The following PTCHD4 variants were observed in gnomAD, a reference collection of about 807,000 sequenced individuals.
PTCHD4 encodes the protein patched domain-containing protein 4.
Under a neutral mutation model 58.1 loss-of-function variants are expected in PTCHD4, and 33 were observed. The ratio of observed to expected loss-of-function variants is 0.57; its 90% CI spans 0.43 to 0.76. The LOEUF (loss-of-function observed/expected upper bound fraction) is 0.76, where lower values mean the gene tolerates loss of function less well. Ranked by LOEUF, PTCHD4 falls within the 30% of genes least tolerant of loss-of-function variation. The probability of loss-of-function intolerance (pLI) is 0.00; values close to 1 mark genes in which losing one functional copy is unlikely to be tolerated. For synonymous variants in PTCHD4, 478 were observed against 409.6 expected, an observed-to-expected ratio of 1.17 and a Z score of -2.02; for missense variants, 1,058 against 1,027.1, an observed-to-expected ratio of 1.03 and a Z score of -0.41.
At chr6:48,091,753 C>G (rs1582130408) in intron 1 of PTCHD4, among the ~76,000 whole-genome samples, 1 of 151,748 alleles carries the variant, frequency 6.6e-6, no homozygotes, top group Non-Finnish European at 1.5e-5. Flanking sequence ...TCAAGTGAGT[C>G]TCCTGCCTTA....
At chr6:47,896,919 GA>G (rs1391152845) in intron 4 of PTCHD4, among the ~76,000 whole-genome samples, 1 of 152,138 alleles carries the variant, frequency 6.6e-6, no homozygotes, top group Non-Finnish European at 1.5e-5. Context: ...TAAGGAGACT[GA>G]TCTCCTTGAG....
At chr6:47,998,707 C>T (rs1163915264) in intron 4 of PTCHD4, among the ~76,000 whole-genome samples, 1 of 152,122 alleles carries the variant, frequency 6.6e-6, no homozygotes, top group Non-Finnish European at 1.5e-5. Context: ...ATAAAATTCA[C>T]CTCTTACTTC....
At chr6:47,954,482 G>A (rs1766776455) in intron 4 of PTCHD4, among the ~76,000 whole-genome samples, 1 of 152,144 alleles carries the variant, frequency 6.6e-6, no homozygotes, top group African/African-American at 2.4e-5. Flanking sequence ...CTCTTGCTAA[G>A]GTTTTGAAAT....
chr6:47,999,185 A>G (rs1424978845), intron 4 of PTCHD4, among the ~76,000 whole-genome samples: 2 of 152,158 alleles, frequency 1.3e-5, no homozygotes, highest in Non-Finnish European at 2.9e-5. Context: ...TCCTCATCCA[A>G]TGAGAGAGTA....
At chr6:47,916,760 A>G (rs1329696760) in intron 4 of PTCHD4, among the ~76,000 whole-genome samples, 1 of 152,154 alleles carries the variant, frequency 6.6e-6, no homozygotes, top group African/African-American at 2.4e-5. Context: ...GGGCCACAAA[A>G]TTGAAGATTT....
intron 4 of PTCHD4, among the ~76,000 whole-genome samples, chr6:47,928,043 G>A (rs1182793280): frequency 6.6e-6 from 1 of 152,092 alleles, no homozygotes; most frequent in African/African-American, 2.4e-5. Context: ...AATACATGGT[G>A]ACAGTTTTCT....
At chr6:47,931,531 A>G (rs1360459795) in intron 4 of PTCHD4, among the ~76,000 whole-genome samples, 2 of 152,206 alleles carry the variant, frequency 1.3e-5, no homozygotes, top group African/African-American at 2.4e-5. Context: ...TTTCAGATGG[A>G]GAAAAACAGG....
intron 3 of PTCHD4, among the ~76,000 whole-genome samples, chr6:48,049,377 C>T (rs2114166980): frequency 6.6e-6 from 1 of 152,038 alleles, no homozygotes; most frequent in East Asian, 1.9e-4. Context: ...GAGGGTCCTA[C>T]ATTGGGCTGT....
At chr6:48,098,585 C>A (rs2113909794) in intron 1 of PTCHD4, among the ~76,000 whole-genome samples, 1 of 152,300 alleles carries the variant, frequency 6.6e-6, no homozygotes, top group East Asian at 1.9e-4. Context: ...CTGATCCACT[C>A]ACCTGAGCCT....
rs950496976 is a variant in PTCHD4 at position 47,865,122 on chromosome 6, A to G, written c.*13181T>C. ...TGTTTATATATGTAGATTAATCTAG[A>G]TACTATTGTAGTGTCTCTAGCTATA... On this transcript the variant is annotated 3_prime_UTR_variant, in exon 5 of 5. Transcript: ENST00000339488. Among the ~76,000 whole-genome samples the G allele has an allele frequency of 6.6e-6, 1 of 151,924 alleles. No homozygotes were observed. The highest frequency in any genetic ancestry group is 1.5e-5 in the Non-Finnish European group (1 of 67,916).
At position 47,865,403 on chromosome 6, in the gene PTCHD4, GT is replaced by G. The variant is rs1441053316; in HGVS notation, c.*12899del. Among the ~76,000 whole-genome samples, 3 of 151,798 alleles carry G rather than the reference GT, an allele frequency of 2.0e-5. No homozygotes were observed. The highest frequency in any genetic ancestry group is 7.3e-5 in the African/African-American group (3 of 41,366). On this transcript the variant is annotated 3_prime_UTR_variant, in exon 5 of 5. Coordinates refer to ENST00000339488, the MANE Select transcript of PTCHD4 (RefSeq NM_001384253.1). Reference sequence around the variant, plus strand: ...AAATTTGTGGTAAAGCTTTACAAATGTTATAAAAATGGGCCACGCTGCATGT... The same window carrying G: ...AAATTTGTGGTAAAGCTTTACAAATGTATAAAAATGGGCCACGCTGCATGT...
intron 3 of PTCHD4, among the ~76,000 whole-genome samples, chr6:48,047,378 C>A (rs1475776611): frequency 6.6e-6 from 1 of 151,828 alleles, no homozygotes; most frequent in South Asian, 2.1e-4. Flanking sequence ...CTTTTCTCTG[C>A]ATTTACTCTC....
chr6:48,010,616 T>C (rs1180852348), intron 3 of PTCHD4, among the ~76,000 whole-genome samples: 1 of 152,098 alleles, frequency 6.6e-6, no homozygotes, highest in Non-Finnish European at 1.5e-5. Flanking sequence ...CTTTAATTAT[T>C]CTTTTAAGTT....
rs1766198995 is a variant in PTCHD4 at position 47,941,035 on chromosome 6, G to C, written c.899-61099C>G. Among the ~76,000 whole-genome samples, 3 of 152,206 alleles carry C rather than the reference G, an allele frequency of 2.0e-5. No homozygotes were observed. The South Asian group carries it at 6.2e-4, about 32-fold the overall frequency. On this transcript the variant is annotated intron_variant, in intron 4 of 4. Transcript: ENST00000339488. The stretch of plus-strand genomic sequence containing the variant: ...ACACAGCCACCATATCAATTGTTCT[G>C]AAACAAACCTTCCTTAGCTTCCAGC...
chr6:48,090,311 T>C (rs1318911217), intron 1 of PTCHD4, among the ~76,000 whole-genome samples: 2 of 152,208 alleles, frequency 1.3e-5, no homozygotes, highest in African/African-American at 2.4e-5. Context: ...TACATGATCA[T>C]TGGATTTGTC....
At position 47,879,277 on chromosome 6, in the gene PTCHD4, C is replaced by T. The variant is rs746044962; in HGVS notation, c.1558G>A (p.Val520Ile). 68 of 1,612,458 alleles carry T rather than the reference C, an allele frequency of 4.2e-5. No homozygotes were observed. Among genetic ancestry groups the T allele is most frequent in the Non-Finnish European group, 5.6e-5 (66 of 1,179,322 alleles). ...TTCCAGTACTCTAGGGGCTCATAGA[C>T]GTAGAATCCTATCACAGGGCTATAG... ...SNYSPVIGFY[V>I]YEPLEYWNSS... is the part of the protein sequence containing the mutation. The change falls in exon 5 of 5, where the codon GTC becomes ATC. Residue 520 changes from valine (V) to isoleucine (I), a missense_variant. Physicochemically the swap from Val to Ile is conservative, Grantham distance 29. Transcript: ENST00000339488.
rs1264604061 is a variant in PTCHD4 at position 47,865,459 on chromosome 6, ATACAT to A, written c.*12839_*12843del. Among the ~76,000 whole-genome samples the A allele has an allele frequency of 2.0e-5, 3 of 151,944 alleles. No homozygotes were observed. Among genetic ancestry groups the A allele is most frequent in the Non-Finnish European group, 4.4e-5 (3 of 67,900 alleles). On this transcript the variant is annotated 3_prime_UTR_variant, in exon 5 of 5. Transcript: ENST00000339488. Reference sequence around the variant, plus strand: ...ACCACAGGAATGTGAAGATTAAACTATACATTAGAGTATTGTAGTAAATAGATCAC... The same window carrying A: ...ACCACAGGAATGTGAAGATTAAACTATAGAGTATTGTAGTAAATAGATCAC...
chr6:48,109,675 C>T (rs1765821215), intron 1 of PTCHD4, among the ~76,000 whole-genome samples: 1 of 151,844 alleles, frequency 6.6e-6, no homozygotes, highest in South Asian at 2.1e-4. Context: ...GATTAATATC[C>T]AAAATCTATA....
chr6:47,862,240 C>CTT lies in PTCHD4; in HGVS notation c.*16061_*16062dup, dbSNP rs35015148. On this transcript the variant is annotated 3_prime_UTR_variant, in exon 5 of 5. Coordinates refer to ENST00000339488, the MANE Select transcript of PTCHD4 (RefSeq NM_001384253.1). ...AATCATTACTTTTGTTGCATTATGG[C>CTT]TTTTTTTTTAATATCTTGGGTCTGG... 3.9e-4 allele frequency among the ~76,000 whole-genome samples: 59 copies of CTT among 149,446 alleles called. No homozygotes were observed. The highest frequency in any genetic ancestry group is 3.4e-3 in the Middle Eastern group (1 of 292).
Sources: gnomAD v4.1 joint callset for allele counts (sites outside exome capture counted in the v4.1 genomes callset) on GRCh38, gnomAD v4.1.1 for gene constraint, MANE v1.5 for transcripts, NCBI Gene and HGNC (gene_info 2026-07-23, HGNC 2026-07-21) for gene names.